Variants in DNAH7 observed in about 807,000 individuals in gnomAD.
DNAH7 encodes the protein axonemal beta dynein heavy chain 7.
In DNAH7, 397 loss-of-function variants were observed where a neutral mutation model predicts 444.6. The observed-to-expected ratio is 0.89, with a 90% CI of 0.82 to 0.97. DNAH7 has a LOEUF of 0.97. DNAH7 is among the 50% of genes least tolerant of loss of function. DNAH7 has a pLI of 0.00. For synonymous variants in DNAH7, 1,636 were observed against 1,624.4 expected, an observed-to-expected ratio of 1.01 and a Z score of -0.17; for missense variants, 4,902 against 4,800.8, an observed-to-expected ratio of 1.02 and a Z score of -0.62.
intron 48 of DNAH7, among the ~76,000 whole-genome samples, chr2:195,833,251 A>G (rs111551612): frequency 1.3e-3 from 203 of 152,336 alleles, no homozygotes; most frequent in African/African-American, 4.8e-3. Context: ...AATGAATGAA[A>G]TAACACGTGT....
At chr2:195,886,529 GAT>G (rs1701721193) in intron 33 of DNAH7, among the ~76,000 whole-genome samples, 1 of 152,108 alleles carries the variant, frequency 6.6e-6, no homozygotes, top group African/African-American at 2.4e-5. Context: ...GTTAATTTAA[GAT>G]ATGGATTCCA....
At chr2:195,796,867 T>C (rs536541524) in intron 55 of DNAH7, 130 bp from the exon 56 acceptor site, 2 of 919,458 alleles carry the variant, frequency 2.2e-6, no homozygotes, top group African/African-American at 1.7e-5. Flanking sequence ...GCCAAACACA[T>C]GCATCCCTAA....
At position 195,794,329 on chromosome 2, in the gene DNAH7, A is replaced by G; in HGVS notation, c.10716+9T>C. ...AGGGCCGAGGTAACAAGACTTAACCATTACTAACAGGCTTTTTGCAGCTGC... is the reference window on the plus strand; with the variant it reads ...AGGGCCGAGGTAACAAGACTTAACCGTTACTAACAGGCTTTTTGCAGCTGC... On this transcript the variant is annotated intron_variant, in intron 57 of 64. Transcript: ENST00000312428. The G allele has an allele frequency of 6.2e-7, 1 of 1,613,992 alleles. No homozygotes were observed. Among genetic ancestry groups the G allele is most frequent in the Non-Finnish European group, 8.5e-7 (1 of 1,179,920 alleles).
chr2:195,870,374 A>C (rs1449540194), intron 40 of DNAH7, among the ~76,000 whole-genome samples: 1 of 152,184 alleles, frequency 6.6e-6, no homozygotes, highest in Non-Finnish European at 1.5e-5. Flanking sequence ...GTATTTCAGC[A>C]AAAATCTGAA....
At chr2:195,950,851 CAAAAAAAAAAAAAAAAAA>C (rs67782183) in intron 19 of DNAH7, among the ~76,000 whole-genome samples, 4 of 36,714 alleles carry the variant, frequency 1.1e-4, no homozygotes, top group Non-Finnish European at 1.9e-4. Flanking sequence ...GACTCTGTCT[CAAAAAAAAAAAAAAAAAA>C]AAAAAAAAAA....
intron 19 of DNAH7, among the ~76,000 whole-genome samples, chr2:195,951,910 G>A (rs62203366): frequency 6.6e-6 from 1 of 152,112 alleles, no homozygotes; most frequent in Non-Finnish European, 1.5e-5. Flanking sequence ...TCTTTTAATT[G>A]GGGCATTTAG....
chr2:195,794,405 T>C lies in DNAH7; in HGVS notation c.10649A>G (p.Asn3550Ser), dbSNP rs1386852797. The part of the protein sequence containing the change: ...TNEAPKGLRA[N>S]IIRSYLMDPI... ...GTCCATGAGGTATGATCGAATGATATTAGCCCGTAAACCTTTTGGTGCTTC... is the reference window on the plus strand; with the variant it reads ...GTCCATGAGGTATGATCGAATGATACTAGCCCGTAAACCTTTTGGTGCTTC... Residue 3550 changes from asparagine (N) to serine (S), a missense_variant, in exon 57 of 65, where the codon AAT (asparagine) becomes AGT (serine). Transcript: ENST00000312428. 1 of 1,614,168 alleles carries C rather than the reference T, an allele frequency of 6.2e-7. No homozygotes were observed. The highest frequency in any genetic ancestry group is 8.5e-7 in the Non-Finnish European group (1 of 1,180,012).
intron 58 of DNAH7, among the ~76,000 whole-genome samples, chr2:195,781,325 G>A (rs893138868): frequency 6.6e-6 from 1 of 152,326 alleles, no homozygotes; most frequent in Non-Finnish European, 1.5e-5. Context: ...TGTAGACATA[G>A]ATGAGATATG....
chr2:196,036,569 A>C (rs1441723695), intron 5 of DNAH7, among the ~76,000 whole-genome samples: 3 of 152,182 alleles, frequency 2.0e-5, no homozygotes, highest in Admixed American at 6.5e-5. Context: ...CACTGCCACC[A>C]ACAATGACCT....
chr2:195,745,502 G>A (rs994228429), intron 63 of DNAH7, among the ~76,000 whole-genome samples: 8 of 152,070 alleles, frequency 5.3e-5, no homozygotes, highest in African/African-American at 1.7e-4. Context: ...GAAATACAGA[G>A]AACGCCACAA....
rs775702190 is a variant in DNAH7, at chr2:196,055,906, C to G, written c.78+2148G>C. Among the ~76,000 whole-genome samples, 82 of 152,220 alleles carry G rather than the reference C, an allele frequency of 5.4e-4. 1 individual carries two copies. The highest frequency in any genetic ancestry group is 1.8e-4 in the Non-Finnish European group (12 of 68,038). On this transcript the variant is annotated intron_variant, in intron 2 of 64. Transcript: ENST00000312428. The stretch of plus-strand genomic sequence containing the variant: ...CTGTTGCTGAGCTATTTCTCCAAGT[C>G]TCACCATCACTCTAGGTGAAGAAGG...
chr2:195,969,724 C>T (rs1275733933), intron 17 of DNAH7, among the ~76,000 whole-genome samples: 1 of 152,136 alleles, frequency 6.6e-6, no homozygotes, highest in Non-Finnish European at 1.5e-5. Context: ...AGATATAACT[C>T]TATCTTTAAC....
Position 195,864,572 on chromosome 2 carries a change from T to A in DNAH7, c.7083A>T (p.Ser2361=). 6.2e-7 allele frequency: 1 copy of A among 1,614,166 alleles called. No individual in the cohort carries two copies. The highest frequency in any genetic ancestry group is 8.5e-7 in the Non-Finnish European group (1 of 1,180,034). ...TRLAAHMADY[S]VFQVEISKGY... Reference sequence around the variant, plus strand: ...CCTTAGAGATTTCAACTTGGAAAACTGAATAATCAGCCATGTGGGCAGCTA... The same window carrying A: ...CCTTAGAGATTTCAACTTGGAAAACAGAATAATCAGCCATGTGGGCAGCTA... The change falls in exon 41 of 65, where the codon TCA becomes TCT. Residue 2361 remains serine (S), a synonymous_variant. Transcript: ENST00000312428.
At chr2:196,041,067 TA>T (rs1474421288) in intron 5 of DNAH7, among the ~76,000 whole-genome samples, 5 of 151,846 alleles carry the variant, frequency 3.3e-5, no homozygotes, top group Admixed American at 2.6e-4. Flanking sequence ...GAAAATCCCT[TA>T]AAAAATGCAA....
At chr2:196,014,421 T>C (rs1020027796) in intron 9 of DNAH7, among the ~76,000 whole-genome samples, 4 of 152,106 alleles carry the variant, frequency 2.6e-5, no homozygotes, top group African/African-American at 9.7e-5. Context: ...ACCATGAAAC[T>C]CAGGACTGTC....
chr2:195,916,540 C>T (rs951666975), intron 24 of DNAH7, among the ~76,000 whole-genome samples: 1 of 151,226 alleles, frequency 6.6e-6, no homozygotes, highest in Admixed American at 6.6e-5. Flanking sequence ...TAGTCAGCTC[C>T]AGGGAAAGGC....
chr2:195,911,094 A>G (rs1216124587), intron 24 of DNAH7, among the ~76,000 whole-genome samples: 2 of 152,234 alleles, frequency 1.3e-5, no homozygotes, highest in Non-Finnish European at 2.9e-5. Flanking sequence ...CTCACAGTTC[A>G]AACAGGAGAG....
chr2:195,763,806 A>G (rs1223793428), intron 61 of DNAH7, among the ~76,000 whole-genome samples: 1 of 152,002 alleles, frequency 6.6e-6, no homozygotes, highest in African/African-American at 2.4e-5. Flanking sequence ...CCAAACATTT[A>G]AAGAAGAATA....
At position 196,048,356 on chromosome 2, in the gene DNAH7, T is replaced by A. The variant is rs114788238; in HGVS notation, c.190A>T (p.Ser64Cys). 1.2e-3 allele frequency: 1,879 copies of A among 1,614,026 alleles called. 15 individuals are homozygous for A. The African/African-American group carries it at 0.023, about 19-fold the overall frequency. ...GGACTCTCATCATCCTGCTTTACACTCAAATGGAATGATGGAGCTGCCTGC... is the reference window on the plus strand; with the variant it reads ...GGACTCTCATCATCCTGCTTTACACACAAATGGAATGATGGAGCTGCCTGC... ...WQQAAPSFHL[S>C]VKQDDESPEP... Residue 64 changes from serine (S) to cysteine (C), a missense_variant, in exon 4 of 65, where the codon AGT becomes TGT. Ser to Cys is a moderately radical substitution (Grantham distance 112, BLOSUM62 -1). Transcript: ENST00000312428.
Sources: allele counts gnomAD v4.1 joint callset (sites outside exome capture counted in the v4.1 genomes callset), GRCh38; gene constraint gnomAD v4.1.1; transcripts MANE v1.5; gene names NCBI Gene and HGNC (gene_info 2026-07-23, HGNC 2026-07-21).